Variants in MICU2 observed in about 807,000 individuals in gnomAD.
MICU2 encodes the protein calcium uptake protein 2, mitochondrial.
In MICU2, 64 loss-of-function variants were observed where a neutral mutation model predicts 60.4. The ratio of observed to expected loss-of-function variants is 1.06; its 90% CI spans 0.87 to 1.31. The LOEUF is 1.31. Among genes scored for constraint, MICU2 ranks in the 50% most tolerant of loss-of-function variants. The pLI, the probability that MICU2 is intolerant of heterozygous loss-of-function variation, is 0.00. For synonymous variants in MICU2, 201 were observed against 175.0 expected (o/e 1.15, Z -1.17); for missense variants, 569 against 531.0 (o/e 1.07, Z -0.70).
At chr13:21,570,674 ACAT>A (rs1478435922) in intron 1 of MICU2, among the ~76,000 whole-genome samples, 1 of 152,226 alleles carries the variant, frequency 6.6e-6, no homozygotes, top group Non-Finnish European at 1.5e-5. Context: ...GGTGCCTTAC[ACAT>A]ATTGCGACTA....
intron 4 of MICU2, chr13:21,530,968 T>A (rs908401867): frequency 1.3e-6 from 1 of 776,570 alleles, no homozygotes; most frequent in Non-Finnish European, 2.4e-6. Context: ...CAGTGACAAA[T>A]ATACACTCTG....
At chr13:21,579,391 AG>A in intron 1 of MICU2, among the ~76,000 whole-genome samples, 1 of 143,814 alleles carries the variant, frequency 7.0e-6, no homozygotes, top group African/African-American at 2.6e-5. Flanking sequence ...CCCAGATTGG[AG>A]TGCAATGATG....
At chr13:21,554,401 T>C (rs1012449666) in intron 2 of MICU2, among the ~76,000 whole-genome samples, 11 of 152,212 alleles carry the variant, frequency 7.2e-5, no homozygotes, top group African/African-American at 2.2e-4. Context: ...CTCAACTACA[T>C]GGAAACTGAA....
Position 21,514,427 on chromosome 13 carries a change from A to G in MICU2, c.598-9T>C. The stretch of plus-strand genomic sequence containing the variant: ...CTTATGATCTTCTGCAGCTAAAAAG[A>G]TTACAAACATGAGTTTACATGTGTG... On this transcript the variant is annotated splice_polypyrimidine_tract_variant and intron_variant, in intron 6 of 11. Transcript: ENST00000382374. 3.1e-6 allele frequency: 5 copies of G among 1,611,372 alleles called. No individual in the cohort carries two copies. Among genetic ancestry groups the G allele is most frequent in the Non-Finnish European group, 4.2e-6 (5 of 1,178,410 alleles).
At chr13:21,540,864 C>A (rs73443851) in intron 2 of MICU2, among the ~76,000 whole-genome samples, 1 of 151,924 alleles carries the variant, frequency 6.6e-6, no homozygotes, top group Non-Finnish European at 1.5e-5. Context: ...GTATATAATA[C>A]GTAGTCATAT....
At chr13:21,603,130 A>G (rs1026454191) in intron 1 of MICU2, among the ~76,000 whole-genome samples, 2 of 145,914 alleles carry the variant, frequency 1.4e-5, no homozygotes, top group Admixed American at 1.4e-4. Context: ...ATTTTTTAGT[A>G]GAGACCGGGG....
intron 8 of MICU2, among the ~76,000 whole-genome samples, chr13:21,504,552 A>T (rs1854285157): frequency 6.6e-6 from 1 of 152,214 alleles, no homozygotes; most frequent in Non-Finnish European, 1.5e-5. Context: ...GCCTAAAATC[A>T]TATTATCTTG....
intron 4 of MICU2, among the ~76,000 whole-genome samples, chr13:21,534,078 TAA>T (rs770621245): frequency 1.2e-4 from 15 of 126,154 alleles, no homozygotes; most frequent in South Asian, 2.4e-4. Flanking sequence ...TGAGACTGTC[TAA>T]AAAAAAAAAA....
intron 6 of MICU2, 97 bp downstream of exon 6, chr13:21,521,148 A>G (rs1886706647): frequency 3.1e-6 from 3 of 975,328 alleles, no homozygotes; most frequent in Non-Finnish European, 4.6e-6. Flanking sequence ...TCATATGTAA[A>G]CAATGAATAC....
intron 1 of MICU2, 22 bp downstream of exon 1, chr13:21,603,917 G>A (rs1888889541): frequency 1.2e-6 from 2 of 1,608,846 alleles, no homozygotes; most frequent in Non-Finnish European, 1.7e-6. Flanking sequence ...ACTGGGGCTA[G>A]CAGAAGGAGT....
At chr13:21,534,485 G>T (rs1475810427) in intron 4 of MICU2, among the ~76,000 whole-genome samples, 1 of 152,058 alleles carries the variant, frequency 6.6e-6, no homozygotes, top group African/African-American at 2.4e-5. Flanking sequence ...GGGGTTACAG[G>T]CATCAGCCAC....
chr13:21,519,084 A>AT lies in MICU2; in HGVS notation c.597+2160dup, dbSNP rs931670150. On this transcript the variant is annotated intron_variant, in intron 6 of 11. Coordinates refer to ENST00000382374, the MANE Select transcript of MICU2 (RefSeq NM_152726.3). ...CGGTGTCTTTTTCATTATTTTTATT[A>AT]TTTTTTTTGAGACAGAGTTTCGCTT... Among the ~76,000 whole-genome samples, 6 of 151,574 alleles carry AT rather than the reference A, an allele frequency of 4.0e-5. No individual in the cohort carries two copies. The East Asian group carries it at 5.8e-4, about 15-fold the overall frequency.
At chr13:21,519,725 C>G (rs1250104636) in intron 6 of MICU2, among the ~76,000 whole-genome samples, 1 of 152,252 alleles carries the variant, frequency 6.6e-6, no homozygotes, top group African/African-American at 2.4e-5. Context: ...GTTGCTCAAG[C>G]CCAACATTTC....
At chr13:21,517,799 A>ACACACACACACACACACG (rs1244489287) in intron 6 of MICU2, among the ~76,000 whole-genome samples, 1 of 136,332 alleles carries the variant, frequency 7.3e-6, no homozygotes, top group African/African-American at 3.1e-5. Context: ...ACACACACAC[A>ACACACACACACACACACG]CGCGCGCGCG....
At chr13:21,539,226 T>G (rs1428878669) in intron 4 of MICU2, 76 bp downstream of exon 4, 1 of 1,310,626 alleles carries the variant, frequency 7.6e-7, no homozygotes, top group Non-Finnish European at 1.1e-6. Flanking sequence ...GGTACAAATC[T>G]CATACCTTAA....
At chr13:21,530,833 A>G in intron 4 of MICU2, 1 of 732,798 alleles carries the variant, frequency 1.4e-6, no homozygotes, top group South Asian at 1.5e-5. Context: ...TGGTGCCCCC[A>G]TGGACGACGG....
chr13:21,554,832 G>C (rs1299802790), intron 2 of MICU2, among the ~76,000 whole-genome samples: 2 of 152,062 alleles, frequency 1.3e-5, no homozygotes, highest in Non-Finnish European at 2.9e-5. Flanking sequence ...AAATGATAAA[G>C]GGGATATCAC....
intron 2 of MICU2, among the ~76,000 whole-genome samples, chr13:21,544,548 A>C (rs763700037): frequency 6.7e-6 from 1 of 148,896 alleles, no homozygotes; most frequent in Non-Finnish European, 1.5e-5. Flanking sequence ...AATACCACTG[A>C]TCATCAGGGA....
At chr13:21,592,964 G>A (rs184051249) in intron 1 of MICU2, among the ~76,000 whole-genome samples, 5 of 152,188 alleles carry the variant, frequency 3.3e-5, no homozygotes, top group African/African-American at 1.2e-4. Context: ...TACAAGACGA[G>A]GATGCCCTCT....
Sources: allele counts gnomAD v4.1 joint callset (sites outside exome capture counted in the v4.1 genomes callset), GRCh38; gene constraint gnomAD v4.1.1; transcripts MANE v1.5; gene names NCBI Gene and HGNC (gene_info 2026-07-23, HGNC 2026-07-21).